MYH9: variants seen among roughly 807,000 people sequenced by gnomAD.
The protein encoded by MYH9 is myosin-9.
MYH9 carries 29 observed loss-of-function variants against 241.9 expected under a neutral mutation model. That is an observed-to-expected ratio of 0.12 (90% CI 0.09 to 0.16). The LOEUF is 0.16. Among genes scored for constraint, MYH9 ranks in the 10% least tolerant of loss-of-function variants. The probability of loss-of-function intolerance (pLI) is 1.00; values close to 1 mark genes in which losing one functional copy is unlikely to be tolerated. For missense variants in MYH9, 1,803 were observed against 2,595.5 expected, an observed-to-expected ratio of 0.69 and a Z score of 6.63; for synonymous variants, 1,047 against 1,062.6, an observed-to-expected ratio of 0.99 and a Z score of 0.29.
intron 1 of MYH9, among the ~76,000 whole-genome samples, chr22:36,386,708 GC>G (rs1207020881): frequency 6.6e-6 from 1 of 151,920 alleles, no homozygotes; most frequent in African/African-American, 2.4e-5. Context: ...CGCTCACCCT[GC>G]CCCCCACCAC....
In MYH9 at chr22:36,293,497, G is replaced by A. The variant is rs2016739231; in HGVS notation, c.3943-16C>T. 2 of 1,612,074 alleles carry A rather than the reference G, an allele frequency of 1.2e-6. No individual in the cohort carries two copies. Among genetic ancestry groups the A allele is most frequent in the Admixed American group, 1.7e-5 (1 of 60,002 alleles). On this transcript the variant is annotated splice_polypyrimidine_tract_variant and intron_variant, in intron 29 of 40. Transcript: ENST00000216181. This position sits in a 1 kb window ranked among gnomAD's most constrained non-coding sequence, Gnocchi z 5.1. ...GCAGCAGCTCCTACTCGCGGGTTGA[G>A]AGGGGTGCGGGTGCTTAGGAGGGTG...
At chr22:36,354,945 AC>A (rs1443300978) in intron 1 of MYH9, among the ~76,000 whole-genome samples, 4 of 145,820 alleles carry the variant, frequency 2.7e-5, no homozygotes, top group African/African-American at 5.1e-5. Flanking sequence ...AAACAAAAAA[AC>A]AAAAAACAAA....
At chr22:36,319,447 A>G in intron 10 of MYH9, 93 bp downstream of exon 10, 1 of 1,136,536 alleles carries the variant, frequency 8.8e-7, no homozygotes, top group Non-Finnish European at 1.3e-6. Context: ...TAAAAAGAAT[A>G]GTGTCCGGAA....
intron 14 of MYH9, among the ~76,000 whole-genome samples, chr22:36,310,569 C>T (rs1161908014): frequency 6.6e-6 from 1 of 152,210 alleles, no homozygotes; most frequent in Non-Finnish European, 1.5e-5. Context: ...CACGCTGCTG[C>T]ATCCCAGGGG....
At position 36,343,250 on chromosome 22, in the gene MYH9, G is replaced by C. The variant is rs564172008; in HGVS notation, c.334-1724C>G. ...CACACAATGGTATGCATTCAAAACA[G>C]CTGAGGCCACACACAGGGGCTCACA... is the stretch of plus-strand genomic sequence containing the variant. On this transcript the variant is annotated intron_variant, in intron 2 of 40. Transcript: ENST00000216181. Among the ~76,000 whole-genome samples, 8 of 152,282 alleles carry C rather than the reference G, an allele frequency of 5.3e-5. No homozygotes were observed. In the South Asian group the frequency reaches 1.4e-3, roughly 28 times the overall value.
intron 7 of MYH9, among the ~76,000 whole-genome samples, 161 bp downstream of exon 7, chr22:36,321,597 T>C (rs1452879015): frequency 3.6e-4 from 55 of 152,168 alleles, no homozygotes; most frequent in Admixed American, 6.5e-5. Context: ...TGTGTTGGGT[T>C]TGCACTAGCC....
At chr22:36,377,527 G>A (rs1221092995) in intron 1 of MYH9, among the ~76,000 whole-genome samples, 1 of 151,936 alleles carries the variant, frequency 6.6e-6, no homozygotes, top group Non-Finnish European at 1.5e-5. Flanking sequence ...ATCAATGCCG[G>A]GGGCGAGTTC....
intron 34 of MYH9, among the ~76,000 whole-genome samples, chr22:36,287,757 A>C (rs58953497): frequency 0.019 from 2,848 of 152,316 alleles, 92 homozygotes; most frequent in African/African-American, 0.063. Context: ...AACAAACAAA[A>C]AAAAATTTGT....
At position 36,295,058 on chromosome 22, in the gene MYH9, C is replaced by T; in HGVS notation, c.3504G>A (p.Glu1168=). 6.2e-7 allele frequency: 1 copy of T among 1,614,200 alleles called. No individual in the cohort carries two copies. Among genetic ancestry groups the T allele is most frequent in the Non-Finnish European group, 8.5e-7 (1 of 1,180,044 alleles). The change falls in exon 27 of 41, where the codon GAG becomes GAA. Residue 1168 remains glutamate (E), a synonymous_variant. Transcript: ENST00000216181. The surrounding 1 kb of genome is among the most constrained non-coding windows in gnomAD (Gnocchi z 4.1). The part of the protein sequence containing the change: ...QQELRSKREQ[E]VNILKKTLEE... ...CCAGGGTCTTCTTCAGGATGTTCAC[C>T]TCCTGCTCACGTTTTGACCTGGACA...
At chr22:36,363,418 A>T (rs961243498) in intron 1 of MYH9, among the ~76,000 whole-genome samples, 1 of 152,170 alleles carries the variant, frequency 6.6e-6, no homozygotes, top group African/African-American at 2.4e-5. Context: ...TGGCAGTCCA[A>T]GAGAATGACC....
chr22:36,374,728 G>A (rs1428396512), intron 1 of MYH9, among the ~76,000 whole-genome samples: 1 of 152,180 alleles, frequency 6.6e-6, no homozygotes, highest in Non-Finnish European at 1.5e-5. Flanking sequence ...TGGGAAATGG[G>A]GCAAGGAAAC....
intron 38 of MYH9, among the ~76,000 whole-genome samples, chr22:36,284,748 T>C (rs1182218832): frequency 1.3e-5 from 2 of 152,150 alleles, no homozygotes; most frequent in South Asian, 2.1e-4. Flanking sequence ...AAAGAGCATC[T>C]ATGTAACTGG....
In MYH9 at chr22:36,330,772, G is replaced by A. The variant is rs1034633690; in HGVS notation, c.491-3284C>T. On this transcript the variant is annotated intron_variant, in intron 3 of 40. Coordinates refer to ENST00000216181, the MANE Select transcript of MYH9 (RefSeq NM_002473.6). This position sits in a 1 kb window ranked among gnomAD's most constrained non-coding sequence, Gnocchi z 4.5. The stretch of plus-strand genomic sequence containing the variant: ...CTCGAGTCCTTATTTGGCCTGTAAG[G>A]ACTGAAGGCTTATTTGAAAACGCCC... Among the ~76,000 whole-genome samples the A allele has an allele frequency of 6.6e-6, 1 of 152,020 alleles. No individual in the cohort carries two copies. Among genetic ancestry groups the A allele is most frequent in the African/African-American group, 2.4e-5 (1 of 41,392 alleles).
chr22:36,306,999 T>C lies in MYH9; in HGVS notation c.1844-392A>G, dbSNP rs1435455655. ...TGTGAAAACCTGGCTTACGGAATCCTGCTGTCCTATGGTCACAGTTAGAAA... is the reference window on the plus strand; with the variant it reads ...TGTGAAAACCTGGCTTACGGAATCCCGCTGTCCTATGGTCACAGTTAGAAA... On this transcript the variant is annotated intron_variant, in intron 15 of 40. Coordinates refer to ENST00000216181, the MANE Select transcript of MYH9 (RefSeq NM_002473.6). This position sits in a 1 kb window ranked among gnomAD's most constrained non-coding sequence, Gnocchi z 4.1. 3.9e-5 allele frequency among the ~76,000 whole-genome samples: 6 copies of C among 152,130 alleles called. No individual in the cohort carries two copies. The highest frequency in any genetic ancestry group is 4.4e-5 in the Non-Finnish European group (3 of 68,032).
chr22:36,345,460 T>C, intron 2 of MYH9, among the ~76,000 whole-genome samples: 1 of 151,972 alleles, frequency 6.6e-6, no homozygotes, highest in East Asian at 1.9e-4. Flanking sequence ...AGGGCTCTGC[T>C]TTACTGAGCA....
chr22:36,338,146 C>T (rs527404984), intron 3 of MYH9, among the ~76,000 whole-genome samples: 10 of 152,038 alleles, frequency 6.6e-5, no homozygotes, highest in South Asian at 2.1e-4. Flanking sequence ...TACAGGCGTG[C>T]GCCACAATGC....
chr22:36,288,387 C>T lies in MYH9; in HGVS notation c.4797G>A (p.Glu1599=). 1 of 1,612,666 alleles carries T rather than the reference C, an allele frequency of 6.2e-7. No homozygotes were observed. ...CCATCGAGCGCTGCTTCCTCTCGTC[C>T]TCCAGCTCTGCCTCCATCTCCCGCA... ...RQVREMEAEL[E]DERKQRSMAV... is the part of the protein sequence containing the mutation. The change falls in exon 34 of 41, where the codon GAG becomes GAA. Residue 1599 remains glutamate (E), a synonymous_variant. Transcript: ENST00000216181. This position sits in a 1 kb window ranked among gnomAD's most constrained non-coding sequence, Gnocchi z 4.8.
intron 27 of MYH9, 86 bp from the exon 28 acceptor site, chr22:36,294,384 C>T (rs940288750): frequency 1.9e-5 from 27 of 1,433,828 alleles, no homozygotes; most frequent in Non-Finnish European, 2.6e-5. Context: ...TAGATCCAGA[C>T]ATCGCTGCTT....
intron 24 of MYH9, 152 bp downstream of exon 24, chr22:36,298,767 G>C: frequency 8.4e-7 from 1 of 1,194,666 alleles, no homozygotes; most frequent in Non-Finnish European, 1.2e-6. Flanking sequence ...GGTGACCTCA[G>C]GTCTAAAGGG....
Sources: allele counts gnomAD v4.1 joint callset (sites outside exome capture counted in the v4.1 genomes callset), GRCh38; gene constraint gnomAD v4.1.1; non-coding constraint Gnocchi (gnomAD v3.1); transcripts MANE v1.5; gene names NCBI Gene and HGNC (gene_info 2026-07-23, HGNC 2026-07-21).